ZFP2: variants seen among roughly 807,000 people sequenced by gnomAD.
The protein encoded by ZFP2 is ZFP2 zinc finger protein.
Under a neutral mutation model 36.1 loss-of-function variants are expected in ZFP2, and 33 were observed. The ratio of observed to expected loss-of-function variants is 0.92; its 90% CI spans 0.69 to 1.22. ZFP2 has a LOEUF of 1.22. ZFP2 is among the 50% of genes most tolerant of loss of function. ZFP2 has a pLI of 0.00. For synonymous variants in ZFP2, 170 were observed against 178.0 expected (o/e 0.96, Z 0.36); for missense variants, 522 against 551.4 (o/e 0.95, Z 0.53).
chr5:178,931,737 C>T lies in ZFP2; in HGVS notation c.424C>T (p.Arg142Ter), dbSNP rs11956147. Residue 142 changes from arginine to a stop codon, truncating the protein, a stop_gained, in exon 5 of 5, where the codon CGA becomes TGA. Coordinates refer to ENST00000361362, the MANE Select transcript of ZFP2 (RefSeq NM_030613.4). LOFTEE classifies it high-confidence loss of function. ...CNVCGKHFIE[R>*]SSLTVHQRIH... Reference sequence around the variant, plus strand: ...TGTATGTGGGAAACACTTCATTGAACGATCCTCCCTTACTGTACATCAAAG... The same window carrying T: ...TGTATGTGGGAAACACTTCATTGAATGATCCTCCCTTACTGTACATCAAAG... 2.5e-5 allele frequency: 41 copies of T among 1,613,904 alleles called. No homozygotes were observed. The highest frequency in any genetic ancestry group is 1.5e-4 in the Admixed American group (9 of 59,990).
Position 178,910,429 on chromosome 5 carries a change from G to A in ZFP2, c.-449-2155G>A, listed in dbSNP as rs554830841. ...GAGGATGTTGGCAGCTGGCAGCCTC[G>A]GCCTTCTTGGTCCCATTGACAAGGC... On this transcript the variant is annotated intron_variant, in intron 1 of 4. Transcript: ENST00000361362. 1.6e-4 allele frequency: 123 copies of A among 777,290 alleles called. No individual in the cohort carries two copies. In the African/African-American group the frequency reaches 1.6e-3, roughly 10 times the overall value. 48.1% of individuals were successfully genotyped at this position (777,290 alleles called of 1,614,324 possible).
At position 178,903,699 on chromosome 5, in the gene ZFP2, G is replaced by A. The variant is rs369615347; in HGVS notation, c.-450+7725G>A. On this transcript the variant is annotated intron_variant, in intron 1 of 4. Transcript: ENST00000361362. ...ATGCTATGAAAAGGAGCCTGGCATG[G>A]TGGCTCACGCCTGTAATCCCAACAC... Among the ~76,000 whole-genome samples the A allele has an allele frequency of 2.0e-5, 3 of 152,348 alleles. No homozygotes were observed. In the East Asian group the frequency reaches 5.8e-4, roughly 29 times the overall value.
At position 178,921,740 on chromosome 5, in the gene ZFP2, A is replaced by G. The variant is rs1449339561; in HGVS notation, c.-78+5030A>G. On this transcript the variant is annotated intron_variant, in intron 4 of 4. Transcript: ENST00000361362. The stretch of plus-strand genomic sequence containing the variant: ...TTTAGTACAGAAGACAGCTGAGGAA[A>G]AAAAGGAAGCTCACCACTGGTTCAG... Among the ~76,000 whole-genome samples the G allele has an allele frequency of 4.0e-5, 6 of 149,292 alleles. 2 individuals carry two copies. Among genetic ancestry groups the G allele is most frequent in the Non-Finnish European group, 9.0e-5 (6 of 66,460 alleles).
chr5:178,932,245 C>T lies in ZFP2; in HGVS notation c.932C>T (p.Thr311Ile). The T allele has an allele frequency of 6.2e-7, 1 of 1,614,134 alleles. No homozygotes were observed. Among genetic ancestry groups the T allele is most frequent in the Non-Finnish European group, 8.5e-7 (1 of 1,180,018 alleles). ...TGCGGGAAATCCTTTAGCCAAAGTA[C>T]ATATCTTATAGAACATCAGAGACTT... is the stretch of plus-strand genomic sequence containing the variant. ...NKCGKSFSQS[T>I]YLIEHQRLHS... is the part of the protein sequence containing the mutation. The change falls in exon 5 of 5, where the codon ACA (threonine) becomes ATA (isoleucine). Residue 311 changes from threonine to isoleucine, a missense_variant. Transcript: ENST00000361362.
rs1021975404 is a variant in ZFP2, at chr5:178,925,153, A to G, written c.-77-6084A>G. ...CACACACACACACACACACACACAT[A>G]TATATACACATATATACATATACAT... On this transcript the variant is annotated intron_variant, in intron 4 of 4. Transcript: ENST00000361362. Among the ~76,000 whole-genome samples, 380 of 132,386 alleles carry G rather than the reference A, an allele frequency of 2.9e-3. 4 individuals carry two copies. Among genetic ancestry groups the G allele is most frequent in the African/African-American group, 9.7e-3 (361 of 37,372 alleles). The allele number at this position is 132,386 out of a possible 152,430, so 86.9% of individuals were successfully genotyped here.
intron 4 of ZFP2, among the ~76,000 whole-genome samples, chr5:178,920,636 C>CAA (rs373794810): frequency 3.8e-4 from 45 of 118,450 alleles, no homozygotes; most frequent in Middle Eastern, 4.9e-3. Flanking sequence ...GACTTCGTCT[C>CAA]AAAAAAAAAA....
chr5:178,912,954 C>A (rs1403476236), intron 2 of ZFP2, 28 bp from the exon 3 acceptor site: 3 of 984,378 alleles, frequency 3.0e-6, no homozygotes, highest in African/African-American at 3.5e-5. Context: ...GTTCAGAACC[C>A]AAATTTAATG....
At chr5:178,923,845 G>T (rs1240019552) in intron 4 of ZFP2, among the ~76,000 whole-genome samples, 2 of 146,850 alleles carry the variant, frequency 1.4e-5, no homozygotes, top group East Asian at 3.9e-4. Context: ...TAAGTTTTCT[G>T]TAGTACAAAA....
At chr5:178,920,779 G>A (rs1758545556) in intron 4 of ZFP2, among the ~76,000 whole-genome samples, 1 of 152,148 alleles carries the variant, frequency 6.6e-6, no homozygotes, top group Non-Finnish European at 1.5e-5. Flanking sequence ...TAAGGCAGAT[G>A]CTTTAAAGTC....
chr5:178,919,053 C>T (rs1000551197), intron 4 of ZFP2, among the ~76,000 whole-genome samples: 1 of 152,162 alleles, frequency 6.6e-6, no homozygotes, highest in African/African-American at 2.4e-5. Flanking sequence ...GGTCACACTT[C>T]TGGAATAACA....
Position 178,917,911 on chromosome 5 carries a change from A to T in ZFP2, c.-78+1201A>T, listed in dbSNP as rs201664372. 8.5e-5 allele frequency among the ~76,000 whole-genome samples: 13 copies of T among 152,352 alleles called. No homozygotes were observed. In the East Asian group the frequency reaches 2.3e-3, roughly 27 times the overall value. Reference sequence around the variant, plus strand: ...CCCACTGCTGCCTCAGGGCCTTAGCACTGGCTGTTACCCTGTCTGGGAAGC... The same window carrying T: ...CCCACTGCTGCCTCAGGGCCTTAGCTCTGGCTGTTACCCTGTCTGGGAAGC... On this transcript the variant is annotated intron_variant, in intron 4 of 4. Coordinates refer to ENST00000361362, the MANE Select transcript of ZFP2 (RefSeq NM_030613.4).
At chr5:178,914,570 A>G (rs138716677) in intron 3 of ZFP2, among the ~76,000 whole-genome samples, 8 of 152,276 alleles carry the variant, frequency 5.3e-5, no homozygotes, top group Middle Eastern at 3.4e-3. Flanking sequence ...TACTATTCTT[A>G]GCACTGGGAC....
chr5:178,929,944 G>GGGGC (rs1561685805), intron 4 of ZFP2, among the ~76,000 whole-genome samples: 1 of 149,048 alleles, frequency 6.7e-6, no homozygotes, highest in Non-Finnish European at 1.5e-5. Flanking sequence ...CTTGACGGTG[G>GGGGC]GGGGGGGGGC....
intron 1 of ZFP2, among the ~76,000 whole-genome samples, chr5:178,898,214 G>A (rs1757980925): frequency 6.6e-6 from 1 of 152,142 alleles, no homozygotes; most frequent in African/African-American, 2.4e-5. Flanking sequence ...TCGAACTCCT[G>A]GCCTCAAGTG....
At chr5:178,910,155 G>A (rs990749227) in intron 1 of ZFP2, 2 of 1,459,540 alleles carry the variant, frequency 1.4e-6, no homozygotes, top group African/African-American at 2.8e-5. Flanking sequence ...ACTGCTGTCT[G>A]CATTTAATGC....
intron 4 of ZFP2, among the ~76,000 whole-genome samples, chr5:178,925,773 C>T (rs1254848279): frequency 6.7e-6 from 1 of 149,476 alleles, no homozygotes; most frequent in East Asian, 1.9e-4. Flanking sequence ...TTCCAAGTCT[C>T]CATTCTAGTT....
intron 1 of ZFP2, among the ~76,000 whole-genome samples, chr5:178,912,339 G>A (rs749243562): frequency 6.6e-6 from 1 of 152,074 alleles, no homozygotes; most frequent in Non-Finnish European, 1.5e-5. Context: ...CCTCTCCCAT[G>A]GGAATCTAGA....
Position 178,932,329 on chromosome 5 carries a change from C to T in ZFP2, c.1016C>T (p.Ser339Leu), listed in dbSNP as rs867289708. Residue 339 changes from serine to leucine, a missense_variant, in exon 5 of 5, where the codon TCA becomes TTA. Physicochemically the swap from Ser to Leu is moderately radical, Grantham distance 145. Coordinates refer to ENST00000361362, the MANE Select transcript of ZFP2 (RefSeq NM_030613.4). ...TGTGGAAAAGCTTTCAGTAAGAATT[C>T]ATCTCTAACTCAACATCGGAGAATT... ...NECGKAFSKN[S>L]SLTQHRRIHT... 6.2e-7 allele frequency: 1 copy of T among 1,614,158 alleles called. No homozygotes were observed. The highest frequency in any genetic ancestry group is 8.5e-7 in the Non-Finnish European group (1 of 1,180,020).
At chr5:178,904,975 A>C (rs1417359424) in intron 1 of ZFP2, among the ~76,000 whole-genome samples, 1 of 152,094 alleles carries the variant, frequency 6.6e-6, no homozygotes, top group Non-Finnish European at 1.5e-5. Flanking sequence ...TGCTGGGATT[A>C]CAGGAGTGAG....
Sources: allele counts gnomAD v4.1 joint callset (sites outside exome capture counted in the v4.1 genomes callset), GRCh38; gene constraint gnomAD v4.1.1; transcripts MANE v1.5; gene names NCBI Gene and HGNC (gene_info 2026-07-23, HGNC 2026-07-21).